PTPRK: variants seen among roughly 807,000 people sequenced by gnomAD.
PTPRK encodes the protein receptor-type tyrosine-protein phosphatase kappa.
A neutral mutation model predicts 178.0 loss-of-function variants in PTPRK; 75 were observed. That is an observed-to-expected ratio of 0.42 (90% CI 0.35 to 0.51). The LOEUF is 0.51. Ranked by LOEUF, PTPRK falls within the 20% of genes least tolerant of loss-of-function variation. The pLI is 0.02. For synonymous variants in PTPRK, 637 were observed against 620.6 expected, an observed-to-expected ratio of 1.03 and a Z score of -0.39; for missense variants, 1,441 against 1,797.8, an observed-to-expected ratio of 0.80 and a Z score of 3.59.
intron 6 of PTPRK, among the ~76,000 whole-genome samples, chr6:128,189,248 T>A (rs917139560): frequency 1.5e-5 from 2 of 137,180 alleles, no homozygotes; most frequent in African/African-American, 5.4e-5. Flanking sequence ...TTTTTTTTTT[T>A]TTTTTTTTTT....
intron 13 of PTPRK, among the ~76,000 whole-genome samples, chr6:128,024,885 T>C (rs941396394): frequency 2.0e-5 from 3 of 152,168 alleles, no homozygotes; most frequent in African/African-American, 7.2e-5. Flanking sequence ...TATCATTAGA[T>C]TTTTCAGGAT....
At chr6:128,126,896 T>C (rs1490017179) in intron 7 of PTPRK, among the ~76,000 whole-genome samples, 1 of 152,222 alleles carries the variant, frequency 6.6e-6, no homozygotes, top group Non-Finnish European at 1.5e-5. Context: ...CCAACTTGCA[T>C]TGCCACTAGC....
chr6:128,392,462 A>G (rs889803241), intron 2 of PTPRK, among the ~76,000 whole-genome samples: 1 of 152,226 alleles, frequency 6.6e-6, no homozygotes, highest in Admixed American at 6.5e-5. Flanking sequence ...TAAAAATAAA[A>G]AGCAGTTATA....
At chr6:128,212,387 CTG>C (rs1047419070) in intron 6 of PTPRK, among the ~76,000 whole-genome samples, 6 of 151,940 alleles carry the variant, frequency 3.9e-5, no homozygotes, top group African/African-American at 1.4e-4. Flanking sequence ...CAAATGGACA[CTG>C]TTTCTTTATT....
At chr6:128,491,593 G>A in intron 1 of PTPRK, 1 of 337,290 alleles carries the variant, frequency 3.0e-6, no homozygotes, top group Non-Finnish European at 6.0e-6. Context: ...TTTACCTGCA[G>A]TCAATTCTCA....
At chr6:128,429,829 A>G (rs1844595944) in intron 1 of PTPRK, among the ~76,000 whole-genome samples, 1 of 152,208 alleles carries the variant, frequency 6.6e-6, no homozygotes, top group South Asian at 2.1e-4. Flanking sequence ...AGACTTACAA[A>G]AAAGATCAAA....
intron 26 of PTPRK, 35 bp from the exon 27 acceptor site, chr6:127,976,817 G>A (rs936139989): frequency 2.5e-6 from 4 of 1,608,026 alleles, no homozygotes; most frequent in Non-Finnish European, 3.4e-6. Context: ...AAAAAAAAAA[G>A]AGTATTATTT....
intron 11 of PTPRK, among the ~76,000 whole-genome samples, chr6:128,070,575 A>T (rs926622386): frequency 6.6e-6 from 1 of 151,980 alleles, no homozygotes; most frequent in Non-Finnish European, 1.5e-5. Context: ...GCTTCCAAGC[A>T]TACTTTCTAA....
intron 2 of PTPRK, among the ~76,000 whole-genome samples, chr6:128,325,182 T>G (rs1309251905): frequency 6.6e-6 from 1 of 152,300 alleles, no homozygotes; most frequent in East Asian, 1.9e-4. Flanking sequence ...AATATATCAT[T>G]CAACACAGAG....
At chr6:128,133,349 C>G (rs535208895) in intron 7 of PTPRK, among the ~76,000 whole-genome samples, 8 of 152,074 alleles carry the variant, frequency 5.3e-5, no homozygotes, top group Admixed American at 3.3e-4. Flanking sequence ...TCATATATGA[C>G]ATATATAAAT....
intron 1 of PTPRK, among the ~76,000 whole-genome samples, chr6:128,448,409 G>C (rs1280543523): frequency 6.6e-6 from 1 of 152,064 alleles, no homozygotes. Context: ...ATTAAGCTGA[G>C]CTGTAACCAA....
chr6:128,327,377 T>C (rs1440498965), intron 2 of PTPRK, among the ~76,000 whole-genome samples: 1 of 152,184 alleles, frequency 6.6e-6, no homozygotes, highest in African/African-American at 2.4e-5. Context: ...ATGTGCCCTA[T>C]AAACTAAAAG....
At chr6:128,502,927 G>A (rs79411981) in intron 1 of PTPRK, among the ~76,000 whole-genome samples, 2,409 of 152,210 alleles carry the variant, frequency 0.016, 29 homozygotes, top group Non-Finnish European at 0.026. Context: ...AAACTGGCAA[G>A]TGCTAAAACC....
At chr6:128,049,357 C>T (rs1441343743) in intron 13 of PTPRK, among the ~76,000 whole-genome samples, 1 of 152,090 alleles carries the variant, frequency 6.6e-6, no homozygotes, top group Non-Finnish European at 1.5e-5. Flanking sequence ...TGCAATTTCC[C>T]ATACCATTGG....
At position 127,970,161 on chromosome 6, in the gene PTPRK, C is replaced by T. The variant is rs1490456040; in HGVS notation, c.*66G>A. The T allele has an allele frequency of 9.0e-6, 12 of 1,339,366 alleles. No homozygotes were observed. The highest frequency in any genetic ancestry group is 1.3e-5 in the Non-Finnish European group (12 of 947,050). 83.0% of individuals were successfully genotyped at this position (1,339,366 alleles called of 1,614,324 possible). ...TCTTTCTGCACAAGTGTAACAGGTA[C>T]AACAGCTGCTGGCTCAATAGATGGA... On this transcript the variant is annotated 3_prime_UTR_variant, in exon 30 of 30. Transcript: ENST00000368226.
intron 3 of PTPRK, among the ~76,000 whole-genome samples, chr6:128,310,619 T>C (rs1170038157): frequency 2.0e-5 from 3 of 152,178 alleles, no homozygotes; most frequent in Non-Finnish European, 4.4e-5. Context: ...GGCAGCCCAC[T>C]GACAATTCTC....
chr6:128,512,887 A>G (rs76708523), intron 1 of PTPRK, among the ~76,000 whole-genome samples: 16,008 of 152,238 alleles, frequency 0.11, 1,008 homozygotes, highest in Non-Finnish European at 0.15. Flanking sequence ...CACTTAGATG[A>G]AAAAGAGAAT....
chr6:128,073,037 A>T (rs1218282097), intron 11 of PTPRK, among the ~76,000 whole-genome samples: 2 of 152,140 alleles, frequency 1.3e-5, no homozygotes, highest in Non-Finnish European at 2.9e-5. Context: ...GCCGTAGCAC[A>T]TTACATGCAC....
At chr6:128,275,313 T>C (rs1025950282) in intron 3 of PTPRK, among the ~76,000 whole-genome samples, 2 of 152,090 alleles carry the variant, frequency 1.3e-5, no homozygotes, top group Non-Finnish European at 2.9e-5. Flanking sequence ...TGTTTACCTT[T>C]TTCTATGTGA....
Sources: gnomAD v4.1 joint callset for allele counts (sites outside exome capture counted in the v4.1 genomes callset) on GRCh38, gnomAD v4.1.1 for gene constraint, MANE v1.5 for transcripts, NCBI Gene and HGNC (gene_info 2026-07-23, HGNC 2026-07-21) for gene names.